The following CBX1 variants were observed in gnomAD, a reference collection of about 807,000 sequenced individuals.
CBX1 encodes the protein chromobox protein homolog 1.
In CBX1, 10 loss-of-function variants were observed where a neutral mutation model predicts 25.1. The observed-to-expected ratio is 0.40, with a 90% confidence interval of 0.25 to 0.68. The LOEUF (loss-of-function observed/expected upper bound fraction) is 0.68, where lower values mean the gene tolerates loss of function less well. CBX1 is among the 30% of genes least tolerant of loss of function. The probability of loss-of-function intolerance (pLI) is 0.40; values close to 1 mark genes in which losing one functional copy is unlikely to be tolerated. For missense variants in CBX1, 106 were observed against 218.5 expected, an observed-to-expected ratio of 0.49 and a Z score of 3.25; for synonymous variants, 63 against 79.4, an observed-to-expected ratio of 0.79 and a Z score of 1.10.
intron 1 of CBX1, among the ~76,000 whole-genome samples, chr17:48,097,835 T>G (rs1286688268): frequency 6.6e-6 from 1 of 152,128 alleles, no homozygotes; most frequent in Non-Finnish European, 1.5e-5. Context: ...CCAAATAACC[T>G]TGGAAAGGCT....
At chr17:48,100,699 C>T (rs560297988) in intron 1 of CBX1, 25 of 985,410 alleles carry the variant, frequency 2.5e-5, no homozygotes, top group Non-Finnish European at 3.0e-5. Context: ...TGCCCCTCCC[C>T]CTCCGTGTCC....
chr17:48,094,495 G>C (rs956038417), intron 1 of CBX1, among the ~76,000 whole-genome samples: 2 of 151,600 alleles, frequency 1.3e-5, no homozygotes, highest in Admixed American at 6.6e-5. Context: ...CACTTTGGGA[G>C]GCCGAGGTGG....
chr17:48,095,860 T>C (rs569462958), intron 1 of CBX1: 3 of 152,332 alleles, frequency 2.0e-5, no homozygotes, highest in South Asian at 4.1e-4. Context: ...AACAAGAACT[T>C]ATGCCACACA....
intron 1 of CBX1, among the ~76,000 whole-genome samples, chr17:48,093,982 C>T (rs2063358391): frequency 6.6e-6 from 1 of 151,848 alleles, no homozygotes; most frequent in Non-Finnish European, 1.5e-5. Context: ...GGTGTGGTGG[C>T]GCATGCCTGT....
At chr17:48,098,257 CAAA>C (rs1177517543) in intron 1 of CBX1, among the ~76,000 whole-genome samples, 1 of 60,984 alleles carries the variant, frequency 1.6e-5, no homozygotes. Flanking sequence ...CTTAAAAAAA[CAAA>C]AAACAAACAA....
intron 1 of CBX1, among the ~76,000 whole-genome samples, chr17:48,082,822 G>A (rs1403234024): frequency 1.4e-5 from 2 of 147,688 alleles, no homozygotes; most frequent in South Asian, 4.2e-4. Context: ...ACAGGCGTAA[G>A]CCACTGTGCC....
At chr17:48,074,838 A>G (rs1338825929) in intron 4 of CBX1, 168 bp downstream of exon 4, 2 of 613,184 alleles carry the variant, frequency 3.3e-6, no homozygotes, top group Non-Finnish European at 3.0e-6. Flanking sequence ...CCTGTAACTC[A>G]TGAGTCCAGG....
At chr17:48,079,391 C>T (rs2144437932) in intron 1 of CBX1, among the ~76,000 whole-genome samples, 1 of 152,360 alleles carries the variant, frequency 6.6e-6, no homozygotes, top group South Asian at 2.1e-4. Context: ...CAGGCATGAG[C>T]CACTGTGCCC....
At position 48,071,474 on chromosome 17, in the gene CBX1, G is replaced by T; in HGVS notation, c.519C>A (p.Tyr173Ter). The T allele has an allele frequency of 6.2e-7, 1 of 1,613,214 alleles. No homozygotes were observed. Among genetic ancestry groups the T allele is most frequent in the Non-Finnish European group, 8.5e-7 (1 of 1,179,606 alleles). The change falls in exon 5 of 5, where the codon TAC (tyrosine) becomes TAA (stop). Residue 173 changes from tyrosine to a stop codon, truncating the protein, a stop_gained. Coordinates refer to ENST00000225603, the MANE Select transcript of CBX1 (RefSeq NM_001127228.2). LOFTEE classifies it high-confidence loss of function. Reference protein sequence around the residue: ...FYEERLTWHSYPSEDDDKKDD... With the variant: ...FYEERLTWHS ...CTTTTTTGTCATCATCCTCCGAGGG[G>T]TAGGAATGCCACGTCAGCCTTTCCT...
intron 1 of CBX1, among the ~76,000 whole-genome samples, chr17:48,080,372 A>G (rs1465860585): frequency 6.6e-6 from 1 of 152,100 alleles, no homozygotes; most frequent in Non-Finnish European, 1.5e-5. Context: ...TTAAAGCCTT[A>G]TGATTACCAA....
At chr17:48,071,671 A>G in intron 4 of CBX1, 92 bp from the exon 5 acceptor site, 1 of 1,094,268 alleles carries the variant, frequency 9.1e-7, no homozygotes, top group South Asian at 2.2e-5. Flanking sequence ...TAAAAATGGT[A>G]ATTTTAGAAA....
chr17:48,091,670 T>C (rs150785270), intron 1 of CBX1, among the ~76,000 whole-genome samples: 265 of 149,732 alleles, frequency 1.8e-3, no homozygotes, highest in African/African-American at 6.2e-3. Flanking sequence ...CCCCACCAAA[T>C]AGCTGGAATT....
intron 1 of CBX1, among the ~76,000 whole-genome samples, chr17:48,094,838 G>A (rs1044554031): frequency 1.3e-5 from 2 of 151,470 alleles, no homozygotes; most frequent in Non-Finnish European, 2.9e-5. Flanking sequence ...CTTGACGCCT[G>A]GAGTTCAAGA....
chr17:48,073,253 A>G lies in CBX1; in HGVS notation c.414-1674T>C, dbSNP rs560997397. Among the ~76,000 whole-genome samples, 55 of 152,288 alleles carry G rather than the reference A, an allele frequency of 3.6e-4. No homozygotes were observed. The South Asian group carries it at 3.9e-3, about 11-fold the overall frequency. ...ACCACCCCAAATCTCTAGAACCTTA[A>G]TAACAGGAAATCAGAGCCACATAGT... On this transcript the variant is annotated intron_variant, in intron 4 of 4. Coordinates refer to ENST00000225603, the MANE Select transcript of CBX1 (RefSeq NM_001127228.2).
chr17:48,093,811 T>G (rs916477287), intron 1 of CBX1, among the ~76,000 whole-genome samples: 1 of 152,200 alleles, frequency 6.6e-6, no homozygotes, highest in Non-Finnish European at 1.5e-5. Flanking sequence ...TTTGCTCATC[T>G]ATTAAGTATT....
rs1389949534 is a variant in CBX1 at position 48,082,799 on chromosome 17, AAGTGCTGGGATTAC to A, written c.-37-5772_-37-5759del. ...GTAATCCGCCCACCTCAGCCTCCCA[AAGTGCTGGGATTAC>A]AGGCGTAAGCCACTGTGCCAGGTAA... On this transcript the variant is annotated intron_variant, in intron 1 of 4. Transcript: ENST00000225603. Among the ~76,000 whole-genome samples the A allele has an allele frequency of 1.8e-4, 27 of 149,942 alleles. No homozygotes were observed. The East Asian group carries it at 5.0e-3, about 28-fold the overall frequency.
At chr17:48,100,237 T>TA (rs1440993708) in intron 1 of CBX1, among the ~76,000 whole-genome samples, 1 of 151,188 alleles carries the variant, frequency 6.6e-6, no homozygotes, top group Non-Finnish European at 1.5e-5. Context: ...AAACAAATAT[T>TA]ACCTCACAAT....
intron 1 of CBX1, among the ~76,000 whole-genome samples, chr17:48,085,363 G>A (rs933780598): frequency 6.6e-6 from 1 of 152,090 alleles, no homozygotes; most frequent in Non-Finnish European, 1.5e-5. Flanking sequence ...CATCTAGCAA[G>A]GCTAGGCTAA....
intron 1 of CBX1, chr17:48,088,101 G>C (rs956359919): frequency 1.3e-5 from 2 of 152,036 alleles, no homozygotes; most frequent in East Asian, 3.9e-4. Flanking sequence ...ACAAGGTCAG[G>C]AGTTTGAGAC....
Sources: gnomAD v4.1 joint callset for allele counts (sites outside exome capture counted in the v4.1 genomes callset) on GRCh38, gnomAD v4.1.1 for gene constraint, MANE v1.5 for transcripts, NCBI Gene and HGNC (gene_info 2026-07-23, HGNC 2026-07-21) for gene names.